The following POLR3A variants were observed in gnomAD, a reference collection of about 807,000 sequenced individuals.
The protein encoded by POLR3A is RNA polymerase III subunit A.
In POLR3A, 112 loss-of-function variants were observed where a neutral mutation model predicts 152.8. The observed-to-expected ratio is 0.73, with a 90% CI of 0.63 to 0.86. The LOEUF is 0.86. POLR3A is among the 40% of genes least tolerant of loss of function. POLR3A has a pLI of 0.00. For missense variants in POLR3A, 1,385 were observed against 1,743.1 expected (o/e 0.79, Z 3.66); for synonymous variants, 615 against 652.1 (o/e 0.94, Z 0.87).
chr10:78,003,454 G>A (rs1172669130), intron 16 of POLR3A, among the ~76,000 whole-genome samples: 1 of 152,218 alleles, frequency 6.6e-6, no homozygotes, highest in Non-Finnish European at 1.5e-5. Context: ...CACTCAGACT[G>A]CTGAGGGAGT....
chr10:78,001,639 C>T (rs550036370), intron 17 of POLR3A, among the ~76,000 whole-genome samples: 2 of 152,238 alleles, frequency 1.3e-5, no homozygotes, highest in South Asian at 2.1e-4. Context: ...TTGAGGGCCT[C>T]GGTATCTACA....
rs936900825 is a variant in POLR3A at position 77,984,301 on chromosome 10, G to A, written c.3243-3C>T. The stretch of plus-strand genomic sequence containing the variant: ...GCTGTGCTGTGATAATTGGAGTGCT[G>A]TTGAGAAGCAAAGGAAAAATGGCAC... On this transcript the variant is annotated splice_polypyrimidine_tract_variant and splice_region_variant and intron_variant, in intron 24 of 30. Coordinates refer to ENST00000372371, the MANE Select transcript of POLR3A (RefSeq NM_007055.4). The A allele has an allele frequency of 1.3e-6, 2 of 1,596,908 alleles. No homozygotes were observed. The highest frequency in any genetic ancestry group is 1.7e-6 in the Non-Finnish European group (2 of 1,164,528).
intron 19 of POLR3A, among the ~76,000 whole-genome samples, chr10:77,994,589 A>C (rs1847281103): frequency 6.6e-6 from 1 of 152,220 alleles, no homozygotes; most frequent in Non-Finnish European, 1.5e-5. Context: ...AATGAAATGA[A>C]GCCAGAAGAG....
intron 10 of POLR3A, among the ~76,000 whole-genome samples, chr10:78,014,859 AT>A (rs1404259913): frequency 6.6e-6 from 1 of 152,224 alleles, no homozygotes; most frequent in African/African-American, 2.4e-5. Flanking sequence ...AACAGACCTA[AT>A]TAACAAGCGG....
At chr10:77,984,079 TG>T in intron 25 of POLR3A, 67 bp from the exon 26 acceptor site, 1 of 1,344,168 alleles carries the variant, frequency 7.4e-7, no homozygotes, top group Non-Finnish European at 1.1e-6. Context: ...CACGACTGCT[TG>T]CTTTTTTGAA....
intron 19 of POLR3A, among the ~76,000 whole-genome samples, chr10:77,997,595 C>A (rs955389823): frequency 5.9e-5 from 9 of 152,132 alleles, no homozygotes; most frequent in African/African-American, 1.9e-4. Flanking sequence ...ATCCAACTTA[C>A]AAGGGATGTG....
chr10:78,019,665 T>C (rs750111657), intron 8 of POLR3A: 7 of 279,744 alleles, frequency 2.5e-5, no homozygotes, highest in East Asian at 8.7e-5. Context: ...CTGGTCTGCA[T>C]TGAATGTGTT....
chr10:77,981,987 A>G lies in POLR3A; in HGVS notation c.3759+167T>C, dbSNP rs376243198. Among the ~76,000 whole-genome samples the G allele has an allele frequency of 1.2e-3, 173 of 142,280 alleles. 2 individuals carry two copies. In the East Asian group the frequency reaches 0.028, roughly 23 times the overall value. The allele number at this position is 142,280 out of a possible 152,430, so 93.3% of individuals were successfully genotyped here. A position where few individuals can be genotyped will look rare whatever the true frequency, so the allele number is the denominator to read the frequency against. ...CCGGGAGGCAGAGCTTGCAGTGAGC[A>G]GAGATCACGCCACTGCACTCCAGCC... On this transcript the variant is annotated intron_variant, in intron 28 of 30. Transcript: ENST00000372371.
chr10:78,029,492 T>A lies in POLR3A; in HGVS notation c.-85A>T. On this transcript the variant is annotated 5_prime_UTR_variant, in exon 1 of 31. Transcript: ENST00000372371. Reference sequence around the variant, plus strand: ...CCCCAGCACCTCCTGGGGCTGCTTCTGGACTCGCCGCTAACACATCTGCGG... The same window carrying A: ...CCCCAGCACCTCCTGGGGCTGCTTCAGGACTCGCCGCTAACACATCTGCGG... 7.1e-7 allele frequency: 1 copy of A among 1,399,976 alleles called. No individual in the cohort carries two copies. The highest frequency in any genetic ancestry group is 1.0e-6 in the Non-Finnish European group (1 of 992,092). The allele number at this position is 1,399,976 out of a possible 1,614,324, so 86.7% of individuals were successfully genotyped here. A position where few individuals can be genotyped will look rare whatever the true frequency, so the allele number is the denominator to read the frequency against.
At chr10:77,996,647 A>C (rs11002360) in intron 19 of POLR3A, among the ~76,000 whole-genome samples, 105,193 of 149,224 alleles carry the variant, frequency 0.7, 37,825 homozygotes, top group African/African-American at 0.85. Flanking sequence ...CAATAACAGG[A>C]GCTGAAATTG....
At chr10:77,996,578 C>T (rs914049655) in intron 19 of POLR3A, among the ~76,000 whole-genome samples, 3 of 152,056 alleles carry the variant, frequency 2.0e-5, no homozygotes, top group Non-Finnish European at 4.4e-5. Flanking sequence ...TGGATAAATT[C>T]CTCGACACAT....
chr10:78,026,984 T>C (rs1213786888), intron 1 of POLR3A, among the ~76,000 whole-genome samples: 2 of 152,202 alleles, frequency 1.3e-5, no homozygotes, highest in African/African-American at 4.8e-5. Flanking sequence ...AGGCTGAGGA[T>C]ACAGATTAGC....
intron 19 of POLR3A, among the ~76,000 whole-genome samples, chr10:77,998,971 A>G (rs1044498469): frequency 6.6e-6 from 1 of 152,264 alleles, no homozygotes; most frequent in Non-Finnish European, 1.5e-5. Flanking sequence ...CTATGCAGCC[A>G]TAAAAAATGA....
chr10:78,026,300 C>T (rs1288665166), intron 1 of POLR3A, 71 bp from the exon 2 acceptor site: 17 of 1,496,112 alleles, frequency 1.1e-5, no homozygotes, highest in Non-Finnish European at 1.3e-5. Context: ...CATACATAGC[C>T]CACCATAACC....
intron 19 of POLR3A, among the ~76,000 whole-genome samples, chr10:77,994,524 C>T (rs1305011357): frequency 6.7e-6 from 1 of 150,004 alleles, no homozygotes; most frequent in East Asian, 2.0e-4. Flanking sequence ...GCAGAAGACT[C>T]AGTAGCCAAT....
intron 1 of POLR3A, among the ~76,000 whole-genome samples, chr10:78,027,382 G>A (rs1164617495): frequency 2.6e-5 from 4 of 152,214 alleles, no homozygotes; most frequent in South Asian, 2.1e-4. Flanking sequence ...AAATGCAGCC[G>A]GGTGCGGTGG....
Position 78,025,040 on chromosome 10 carries a change from C to T in POLR3A, c.421G>A (p.Gly141Arg). ...RPGLTYLQKR[G>R]LKKKISDKCR... ...TTGTCAGAGATTTTCTTTTTCAGTC[C>T]TCGCTTCTGAAGGTAGGTCAGGCCG... Residue 141 changes from glycine (G) to arginine (R), a missense_variant, in exon 4 of 31, where the codon GGA becomes AGA. Physicochemically the swap from Gly to Arg is moderately radical, Grantham distance 125 (BLOSUM62 -2). This residue lies in a region of POLR3A where 493 missense variants were observed against 647.5 expected (regional missense o/e 0.76). Coordinates refer to ENST00000372371, the MANE Select transcript of POLR3A (RefSeq NM_007055.4). 6.2e-7 allele frequency: 1 copy of T among 1,614,144 alleles called. No homozygotes were observed. The highest frequency in any genetic ancestry group is 8.5e-7 in the Non-Finnish European group (1 of 1,180,030).
In POLR3A at chr10:78,004,731, A is replaced by G; in HGVS notation, c.2232T>C (p.Ala744=). ...GKLQQQPGCT[A]EETLEALILK... ...CCGGGCTCACCTCCAGGGTCTCCTC[A>G]GCAGTGCAGCCAGGCTGCTGCTGCA... The change falls in exon 16 of 31, where the codon GCT becomes GCC. Residue 744 remains alanine, a synonymous_variant. Coordinates refer to ENST00000372371, the MANE Select transcript of POLR3A (RefSeq NM_007055.4). The G allele has an allele frequency of 6.2e-7, 1 of 1,613,464 alleles. No homozygotes were observed. Among genetic ancestry groups the G allele is most frequent in the Non-Finnish European group, 8.5e-7 (1 of 1,179,864 alleles).
chr10:78,020,560 G>A (rs1205745207), intron 8 of POLR3A, among the ~76,000 whole-genome samples: 2 of 151,648 alleles, frequency 1.3e-5, no homozygotes, highest in African/African-American at 2.4e-5. Flanking sequence ...AGGCCAAGGC[G>A]GGCGGATCAC....
Sources: allele counts gnomAD v4.1 joint callset (sites outside exome capture counted in the v4.1 genomes callset), GRCh38; gene constraint gnomAD v4.1.1; regional missense constraint gnomAD v4.1.1; transcripts MANE v1.5; gene names NCBI Gene and HGNC (gene_info 2026-07-23, HGNC 2026-07-21).